KATNAL1: variants seen among roughly 807,000 people sequenced by gnomAD.
KATNAL1 encodes the protein katanin p60 ATPase-containing subunit A-like 1.
A neutral mutation model predicts 55.2 loss-of-function variants in KATNAL1; 32 were observed. The observed-to-expected ratio is 0.58, with a 90% CI of 0.44 to 0.78. The LOEUF (loss-of-function observed/expected upper bound fraction) is 0.78. Among genes scored for constraint, KATNAL1 ranks in the 30% least tolerant of loss-of-function variants. The pLI is 0.00. For missense variants in KATNAL1, 466 were observed against 600.9 expected, an observed-to-expected ratio of 0.78 and a Z score of 2.35; for synonymous variants, 193 against 193.6, an observed-to-expected ratio of 1.00 and a Z score of 0.02.
intron 5 of KATNAL1, 38 bp from the exon 6 acceptor site, chr13:30,240,603 G>C (rs905702932): frequency 1.4e-5 from 19 of 1,386,398 alleles, no homozygotes; most frequent in Non-Finnish European, 1.9e-5. Flanking sequence ...TGTTTACTCA[G>C]GGATCTTTGA....
chr13:30,281,951 A>T (rs1392327052), intron 2 of KATNAL1: 1 of 152,238 alleles, frequency 6.6e-6, no homozygotes, highest in Non-Finnish European at 1.5e-5. Context: ...ATAAGTCCTT[A>T]TAAAACAAAA....
intron 4 of KATNAL1, among the ~76,000 whole-genome samples, chr13:30,249,486 C>T (rs1878102092): frequency 6.6e-6 from 1 of 152,152 alleles, no homozygotes; most frequent in Admixed American, 6.5e-5. Context: ...GAGTCTCAAG[C>T]TAAAAGCAAC....
chr13:30,224,084 T>C (rs939977774), intron 9 of KATNAL1, among the ~76,000 whole-genome samples: 2 of 152,022 alleles, frequency 1.3e-5, no homozygotes, highest in Admixed American at 6.6e-5. Flanking sequence ...CCCAAACCAA[T>C]TTAAATGCTA....
At chr13:30,303,847 G>A (rs1883014797) in intron 1 of KATNAL1, among the ~76,000 whole-genome samples, 1 of 152,148 alleles carries the variant, frequency 6.6e-6, no homozygotes, top group African/African-American at 2.4e-5. Context: ...TTAGTCCTCA[G>A]ACTCTAATCA....
intron 1 of KATNAL1, among the ~76,000 whole-genome samples, chr13:30,290,493 C>T (rs1052103401): frequency 1.3e-5 from 2 of 152,170 alleles, no homozygotes; most frequent in Admixed American, 6.5e-5. Context: ...CGGAATACTC[C>T]TTTATCAATT....
chr13:30,228,505 A>C (rs1176026198), intron 8 of KATNAL1, among the ~76,000 whole-genome samples: 2 of 152,218 alleles, frequency 1.3e-5, no homozygotes, highest in Non-Finnish European at 2.9e-5. Context: ...CCTCAATGAA[A>C]TTCAGCTGAC....
At chr13:30,214,620 A>T (rs11619024) in intron 9 of KATNAL1, among the ~76,000 whole-genome samples, 1 of 152,136 alleles carries the variant, frequency 6.6e-6, no homozygotes, top group Non-Finnish European at 1.5e-5. Flanking sequence ...ATAATGCCGC[A>T]TATCTACAAC....
chr13:30,280,287 T>A (rs1282904217), intron 2 of KATNAL1, 64 bp from the exon 3 acceptor site: 12 of 1,310,506 alleles, frequency 9.2e-6, no homozygotes, highest in East Asian at 4.8e-5. Context: ...TTGTAAATAA[T>A]AAATTACTAT....
chr13:30,250,633 C>G (rs1224741754), intron 4 of KATNAL1, among the ~76,000 whole-genome samples: 3 of 152,146 alleles, frequency 2.0e-5, no homozygotes, highest in Non-Finnish European at 2.9e-5. Flanking sequence ...CCTAGACTTA[C>G]TCATGAGAAG....
intron 4 of KATNAL1, among the ~76,000 whole-genome samples, chr13:30,254,843 A>G (rs1878643544): frequency 6.6e-6 from 1 of 152,214 alleles, no homozygotes; most frequent in Non-Finnish European, 1.5e-5. Flanking sequence ...TACCTCCTTA[A>G]TCTGTAAGAT....
chr13:30,290,238 A>G (rs1431983918), intron 1 of KATNAL1, among the ~76,000 whole-genome samples: 4 of 152,202 alleles, frequency 2.6e-5, no homozygotes, highest in African/African-American at 9.7e-5. Context: ...CAGAAAAACA[A>G]GAGAAAATTT....
At chr13:30,299,576 A>T (rs1427331002) in intron 1 of KATNAL1, among the ~76,000 whole-genome samples, 1 of 152,182 alleles carries the variant, frequency 6.6e-6, no homozygotes, top group African/African-American at 2.4e-5. Flanking sequence ...ATCTCCTTTA[A>T]TATAAATTAG....
Position 30,208,499 on chromosome 13 carries a change from T to C in KATNAL1, c.*41A>G, listed in dbSNP as rs1245892829. On this transcript the variant is annotated 3_prime_UTR_variant, in exon 11 of 11. Coordinates refer to ENST00000380615, the MANE Select transcript of KATNAL1 (RefSeq NM_032116.5). ...AAAATTGCAGGAATTTCTTCGTATT[T>C]TATCAACAAAAATACCAGAAATTAA... is the stretch of plus-strand genomic sequence containing the variant. 3 of 1,436,588 alleles carry C rather than the reference T, an allele frequency of 2.1e-6. No individual in the cohort carries two copies. The highest frequency in any genetic ancestry group is 2.8e-6 in the Non-Finnish European group (3 of 1,079,950). 89.0% of individuals were successfully genotyped at this position (1,436,588 alleles called of 1,614,324 possible). A position where few individuals can be genotyped will look rare whatever the true frequency, so the allele number is the denominator to read the frequency against.
intron 3 of KATNAL1, among the ~76,000 whole-genome samples, chr13:30,276,036 T>A (rs1181772579): frequency 2.6e-5 from 4 of 152,194 alleles, no homozygotes; most frequent in Non-Finnish European, 2.9e-5. Flanking sequence ...TAAGCCTACA[T>A]GTAAACTATT....
intron 9 of KATNAL1, among the ~76,000 whole-genome samples, chr13:30,221,894 G>C (rs925214042): frequency 6.6e-6 from 1 of 152,026 alleles, no homozygotes; most frequent in African/African-American, 2.4e-5. Flanking sequence ...TCTATTAAAA[G>C]TATAAAATTA....
At chr13:30,262,451 A>G (rs1167018613) in intron 3 of KATNAL1, among the ~76,000 whole-genome samples, 4 of 152,230 alleles carry the variant, frequency 2.6e-5, no homozygotes, top group Non-Finnish European at 4.4e-5. Flanking sequence ...GAAAGGATCA[A>G]AAAAATGGAT....
intron 1 of KATNAL1, among the ~76,000 whole-genome samples, chr13:30,287,918 T>C (rs183339372): frequency 6.6e-6 from 1 of 152,286 alleles, no homozygotes; most frequent in East Asian, 1.9e-4. Flanking sequence ...AAGGATATTA[T>C]ATAACTACTT....
At chr13:30,303,043 T>C (rs1882958412) in intron 1 of KATNAL1, among the ~76,000 whole-genome samples, 1 of 152,154 alleles carries the variant, frequency 6.6e-6, no homozygotes. Flanking sequence ...TAGCAAAATA[T>C]TAAAAAGAAT....
chr13:30,303,222 A>G (rs202091), intron 1 of KATNAL1, among the ~76,000 whole-genome samples: 43,040 of 152,144 alleles, frequency 0.28, 6,276 homozygotes, highest in South Asian at 0.34. Flanking sequence ...AAACATATCT[A>G]AAGACATCCA....
Sources: gnomAD v4.1 joint callset for allele counts (sites outside exome capture counted in the v4.1 genomes callset) on GRCh38, gnomAD v4.1.1 for gene constraint, MANE v1.5 for transcripts, NCBI Gene and HGNC (gene_info 2026-07-23, HGNC 2026-07-21) for gene names.